Variants in TP63 observed in about 807,000 individuals in gnomAD.
TP63 encodes the protein tumor protein p63.
A neutral mutation model predicts 82.8 loss-of-function variants in TP63; 17 were observed. The observed-to-expected ratio is 0.21, with a 90% CI of 0.14 to 0.31. TP63 has a LOEUF of 0.31. TP63 is among the 10% of genes least tolerant of loss of function. The pLI is 1.00. For synonymous variants in TP63, 330 were observed against 321.7 expected, an observed-to-expected ratio of 1.03 and a Z score of -0.28; for missense variants, 648 against 895.3, an observed-to-expected ratio of 0.72 and a Z score of 3.52.
chr3:189,674,093 T>A (rs1171637493), intron 1 of TP63, among the ~76,000 whole-genome samples: 1 of 152,140 alleles, frequency 6.6e-6, no homozygotes, highest in East Asian at 1.9e-4. Flanking sequence ...GCCTTTTATT[T>A]ACTAATAAAT....
At chr3:189,645,354 AG>A in intron 1 of TP63, 1 of 531,794 alleles carries the variant, frequency 1.9e-6, no homozygotes, top group Non-Finnish European at 3.6e-6. Flanking sequence ...TCTAGTAAGC[AG>A]AACTGTACTG....
At chr3:189,818,997 T>A (rs537463483) in intron 4 of TP63, among the ~76,000 whole-genome samples, 1 of 152,334 alleles carries the variant, frequency 6.6e-6, no homozygotes, top group South Asian at 2.1e-4. Flanking sequence ...AACCTTTCTA[T>A]ACAAAACCAT....
At chr3:189,698,936 G>A (rs1717598346) in intron 1 of TP63, among the ~76,000 whole-genome samples, 2 of 152,066 alleles carry the variant, frequency 1.3e-5, no homozygotes, top group South Asian at 4.1e-4. Context: ...AATTCTATTG[G>A]TATAAAACAG....
the TP63 span, among the ~76,000 whole-genome samples, chr3:189,622,826 C>T: frequency 6.6e-6 from 1 of 152,158 alleles, no homozygotes; most frequent in Non-Finnish European, 1.5e-5. Flanking sequence ...GAGGTAATGA[C>T]ACCACTTGTT....
intron 3 of TP63, among the ~76,000 whole-genome samples, chr3:189,767,787 A>C (rs1723058758): frequency 1.3e-5 from 2 of 152,164 alleles, no homozygotes; most frequent in African/African-American, 4.8e-5. Context: ...AGACTCAAAT[A>C]TCTCAATAAA....
At chr3:189,794,559 T>C (rs1289229815) in intron 3 of TP63, among the ~76,000 whole-genome samples, 4 of 152,052 alleles carry the variant, frequency 2.6e-5, no homozygotes, top group Non-Finnish European at 1.5e-5. Flanking sequence ...GAGTGAATGC[T>C]GGTACACTCA....
At chr3:189,599,797 G>A in the TP63 span, among the ~76,000 whole-genome samples, 1 of 152,066 alleles carries the variant, frequency 6.6e-6, no homozygotes. Context: ...ACATTGCTTG[G>A]ATAAAACACT....
intron 1 of TP63, among the ~76,000 whole-genome samples, chr3:189,686,260 A>T (rs6797174): frequency 0.32 from 48,892 of 151,958 alleles, 8,279 homozygotes; most frequent in African/African-American, 0.42. Flanking sequence ...TTTTTATGAG[A>T]CAAAACTTAT....
At chr3:189,849,483 T>C (rs1715351875) in intron 4 of TP63, among the ~76,000 whole-genome samples, 2 of 151,976 alleles carry the variant, frequency 1.3e-5, no homozygotes, top group South Asian at 4.2e-4. Flanking sequence ...GGTGAAAAAC[T>C]CCCACACATT....
chr3:189,886,083 G>T (rs1230075013), intron 10 of TP63, among the ~76,000 whole-genome samples: 1 of 152,176 alleles, frequency 6.6e-6, no homozygotes, highest in Non-Finnish European at 1.5e-5. Context: ...GAAAAGAGGA[G>T]AAGGGAATGG....
At chr3:189,784,649 A>T (rs1489562763) in intron 3 of TP63, among the ~76,000 whole-genome samples, 1 of 152,138 alleles carries the variant, frequency 6.6e-6, no homozygotes, top group Non-Finnish European at 1.5e-5. Flanking sequence ...AAAAAATTAA[A>T]TCTAGAATAC....
intron 8 of TP63, 21 bp from the exon 9 acceptor site, chr3:189,869,303 C>T (rs2108808955): frequency 6.2e-7 from 1 of 1,608,268 alleles, no homozygotes; most frequent in Non-Finnish European, 8.5e-7. Flanking sequence ...CAGGATGAAA[C>T]TTGCATTTTT....
the TP63 span, among the ~76,000 whole-genome samples, chr3:189,619,544 T>C: frequency 1.3e-5 from 2 of 152,310 alleles, no homozygotes; most frequent in African/African-American, 4.8e-5. Context: ...CCTTGTCTTT[T>C]TGTAAGACAC....
chr3:189,671,565 A>G (rs1355779296), intron 1 of TP63, among the ~76,000 whole-genome samples: 1 of 152,162 alleles, frequency 6.6e-6, no homozygotes, highest in Admixed American at 6.6e-5. Context: ...GAAAATACAT[A>G]TATTGAAGAG....
At chr3:189,599,710 A>AT in the TP63 span, among the ~76,000 whole-genome samples, 4 of 152,082 alleles carry the variant, frequency 2.6e-5, no homozygotes, top group Admixed American at 2.0e-4. Context: ...AGTAACCCAT[A>AT]TTTTTTTCAA....
At chr3:189,706,755 C>CCT (rs1718232424) in intron 1 of TP63, among the ~76,000 whole-genome samples, 1 of 152,182 alleles carries the variant, frequency 6.6e-6, no homozygotes, top group Non-Finnish European at 1.5e-5. Flanking sequence ...CCAAGGGACA[C>CCT]AGGTTATCAC....
At chr3:189,613,612 C>G in the TP63 span, among the ~76,000 whole-genome samples, 1 of 152,154 alleles carries the variant, frequency 6.6e-6, no homozygotes, top group South Asian at 2.1e-4. Flanking sequence ...GTCCTCCAGA[C>G]CCCAGAATGG....
rs189310712 is a variant in TP63, at chr3:189,706,315, G to A, written c.63-31425G>A. On this transcript the variant is annotated intron_variant, in intron 1 of 13. Coordinates refer to ENST00000264731, the MANE Select transcript of TP63 (RefSeq NM_003722.5). ...TCTGTCACCCAGGCTGGAGTACAGTGGCACAATCTCAGCTCACTGCAACCT... is the reference window on the plus strand; with the variant it reads ...TCTGTCACCCAGGCTGGAGTACAGTAGCACAATCTCAGCTCACTGCAACCT... 4.3e-4 allele frequency among the ~76,000 whole-genome samples: 65 copies of A among 152,078 alleles called. No individual in the cohort carries two copies. In the East Asian group the frequency reaches 0.012, roughly 29 times the overall value.
intron 9 of TP63, among the ~76,000 whole-genome samples, chr3:189,870,319 AAAC>A (rs1473594971): frequency 3.9e-5 from 6 of 152,242 alleles, no homozygotes; most frequent in African/African-American, 1.4e-4. Context: ...AGTTGGAAAA[AAAC>A]AATAAAAAAA....
Sources: gnomAD v4.1 joint callset for allele counts (sites outside exome capture counted in the v4.1 genomes callset) on GRCh38, gnomAD v4.1.1 for gene constraint, MANE v1.5 for transcripts, NCBI Gene and HGNC (gene_info 2026-07-23, HGNC 2026-07-21) for gene names.